TBC1D30: variants seen among roughly 807,000 people sequenced by gnomAD.
TBC1D30 encodes the protein TBC1 domain family, member 30.
A neutral mutation model predicts 63.2 loss-of-function variants in TBC1D30; 31 were observed. That is an observed-to-expected ratio of 0.49 (90% CI 0.37 to 0.66). The LOEUF is 0.66. TBC1D30 is among the 30% of genes least tolerant of loss of function. The probability of loss-of-function intolerance (pLI) is 0.00; values close to 1 mark genes in which losing one functional copy is unlikely to be tolerated. For synonymous variants in TBC1D30, 307 were observed against 361.5 expected (o/e 0.85, Z 1.71); for missense variants, 810 against 953.6 (o/e 0.85, Z 1.98).
chr12:64,775,015 C>T (rs534223084), intron 1 of TBC1D30, among the ~76,000 whole-genome samples: 5 of 151,996 alleles, frequency 3.3e-5, no homozygotes, highest in East Asian at 3.9e-4. Context: ...ATTGGTTGAA[C>T]CCAGGAGGCA....
upstream of TBC1D30, among the ~76,000 whole-genome samples, chr12:64,822,163 A>AT (rs1873924698): frequency 6.6e-6 from 1 of 151,878 alleles, no homozygotes; most frequent in Non-Finnish European, 1.5e-5. Context: ...AATATTCAAT[A>AT]TTTTTTCAAT....
chr12:64,877,531 A>G lies in TBC1D30; in HGVS notation c.*1743A>G, dbSNP rs996487115. The G allele has an allele frequency of 1.3e-5, 2 of 152,220 alleles. No individual in the cohort carries two copies. Among genetic ancestry groups the G allele is most frequent in the Non-Finnish European group, 2.9e-5 (2 of 68,058 alleles). The allele number at this position is 152,220 out of a possible 1,614,324, so 9.4% of individuals were successfully genotyped here. On this transcript the variant is annotated 3_prime_UTR_variant, in exon 12 of 12. Coordinates refer to ENST00000539867, the MANE Select transcript of TBC1D30 (RefSeq NM_015279.2). ...ATTTTTACCCCCAAAGGAACTGAAG[A>G]TGGAAAATATGACTAATAAGTTATT... is the stretch of plus-strand genomic sequence containing the variant.
chr12:64,799,144 G>A (rs969573708), intron 2 of TBC1D30, among the ~76,000 whole-genome samples: 2 of 151,964 alleles, frequency 1.3e-5, no homozygotes, highest in African/African-American at 4.8e-5. Context: ...GGCTTCTGAC[G>A]ATGTGCCTCT....
rs967597131 is a variant in TBC1D30 at position 64,879,652 on chromosome 12, C to G, written c.*3864C>G. Reference sequence around the variant, plus strand: ...AGTGATAATGAACACTCATAACACCCATACCTCATTCCTGACTTTTAAAAG... The same window carrying G: ...AGTGATAATGAACACTCATAACACCGATACCTCATTCCTGACTTTTAAAAG... On this transcript the variant is annotated 3_prime_UTR_variant, in exon 12 of 12. Transcript: ENST00000539867. 1 of 152,114 alleles carries G rather than the reference C, an allele frequency of 6.6e-6. No homozygotes were observed. The highest frequency in any genetic ancestry group is 1.5e-5 in the Non-Finnish European group (1 of 68,034). 9.4% of individuals were successfully genotyped at this position (152,114 alleles called of 1,614,324 possible).
intron 2 of TBC1D30, among the ~76,000 whole-genome samples, chr12:64,805,763 G>A (rs892097407): frequency 2.0e-5 from 3 of 152,166 alleles, no homozygotes; most frequent in South Asian, 2.1e-4. Flanking sequence ...AACCCAGGAG[G>A]TAGAGGTTGC....
At chr12:64,837,363 A>G (rs528737344) in intron 6 of TBC1D30, among the ~76,000 whole-genome samples, 1 of 151,590 alleles carries the variant, frequency 6.6e-6, no homozygotes, top group Non-Finnish European at 1.5e-5. Context: ...TAATTACACA[A>G]CTCACTGTAA....
chr12:64,814,258 G>C (rs561933651), intron 2 of TBC1D30, among the ~76,000 whole-genome samples: 1 of 152,206 alleles, frequency 6.6e-6, no homozygotes, highest in East Asian at 1.9e-4. Context: ...TGTTGGCTAG[G>C]CTGGTCTTAA....
Position 64,832,177 on chromosome 12 carries a change from T to C in TBC1D30, c.467T>C (p.Val156Ala). ...YCGQEAEQDR[V>A]VLKRVLLAYA... ...GGCCAGGAGGCTGAGCAGGACAGGGTTGTGTTGAAGCGGGTGCTGCTGGCC... is the reference window on the plus strand; with the variant it reads ...GGCCAGGAGGCTGAGCAGGACAGGGCTGTGTTGAAGCGGGTGCTGCTGGCC... Residue 156 changes from valine (V) to alanine (A), a missense_variant, in exon 5 of 12, where the codon GTT becomes GCT. Around this residue, in one of 4 missense-constraint regions of TBC1D30, gnomAD observed 272 missense variants for 335.9 expected, o/e 0.81. Transcript: ENST00000539867. 1 of 1,536,026 alleles carries C rather than the reference T, an allele frequency of 6.5e-7. No individual in the cohort carries two copies. Among genetic ancestry groups the C allele is most frequent in the East Asian group, 2.4e-5 (1 of 40,922 alleles).
intron 4 of TBC1D30, among the ~76,000 whole-genome samples, chr12:64,831,099 G>T (rs1009595288): frequency 2.6e-5 from 4 of 152,136 alleles, no homozygotes; most frequent in African/African-American, 2.4e-5. Flanking sequence ...CATGGTTTTT[G>T]ATTTTATATG....
chr12:64,820,836 G>A (rs1416509275), upstream of TBC1D30, among the ~76,000 whole-genome samples: 1 of 152,184 alleles, frequency 6.6e-6, no homozygotes, highest in Non-Finnish European at 1.5e-5. Context: ...GTGTTTTAGT[G>A]CTCATGTAAT....
intron 2 of TBC1D30, among the ~76,000 whole-genome samples, chr12:64,808,807 T>C (rs900348064): frequency 2.6e-5 from 4 of 152,142 alleles, no homozygotes; most frequent in Non-Finnish European, 5.9e-5. Flanking sequence ...TTGTTTCACT[T>C]AATATAATGT....
rs1331029243 is a variant in TBC1D30, at chr12:64,875,409, A to G, written c.1907A>G (p.Gln636Arg). Residue 636 changes from glutamine (Q) to arginine (R), a missense_variant, in exon 12 of 12, where the codon CAG becomes CGG. Physicochemically the swap from Gln to Arg is conservative, Grantham distance 43 (BLOSUM62 1). Around this residue, in one of 4 missense-constraint regions of TBC1D30, gnomAD observed 450 missense variants for 473.0 expected, o/e 0.95. Coordinates refer to ENST00000539867, the MANE Select transcript of TBC1D30 (RefSeq NM_015279.2). ...AGTACCAGGAGGACGATCGAGGGGC[A>G]GTCTCCGGAGCCGGTGTTCGGAGAT... The part of the protein sequence containing the change: ...EGSTRRTIEG[Q>R]SPEPVFGDAD... 20 of 1,536,074 alleles carry G rather than the reference A, an allele frequency of 1.3e-5. No homozygotes were observed. The highest frequency in any genetic ancestry group is 1.7e-5 in the Non-Finnish European group (19 of 1,146,930).
intron 1 of TBC1D30, among the ~76,000 whole-genome samples, chr12:64,774,193 A>T (rs1414804266): frequency 6.6e-6 from 1 of 152,222 alleles, no homozygotes; most frequent in African/African-American, 2.4e-5. Flanking sequence ...AGAATCTCAG[A>T]GCTTGAAGAA....
At chr12:64,766,640 A>G (rs1457172944) in intron 1 of TBC1D30, among the ~76,000 whole-genome samples, 3 of 152,216 alleles carry the variant, frequency 2.0e-5, no homozygotes, top group African/African-American at 7.2e-5. Flanking sequence ...TAGAGTAGCT[A>G]GGCAGAAGAT....
intron 1 of TBC1D30, among the ~76,000 whole-genome samples, chr12:64,765,837 A>AAT (rs1287500982): frequency 4.6e-5 from 7 of 150,932 alleles, no homozygotes; most frequent in Admixed American, 1.3e-4. Context: ...CTCTACAAAA[A>AAT]AAAAAAAAAA....
rs1879276603 is a variant in TBC1D30 at position 64,878,931 on chromosome 12, A to C, written c.*3143A>C. 6.0e-6 allele frequency: 1 copy of C among 166,264 alleles called. No individual in the cohort carries two copies. Among genetic ancestry groups the C allele is most frequent in the African/African-American group, 2.4e-5 (1 of 41,992 alleles). The allele number at this position is 166,264 out of a possible 1,614,324, so 10.3% of individuals were successfully genotyped here. ...TTATTTTTGTCTTAATAAAATGAAC[A>C]ATAAATATAGTTTAGCTGCATGGCA... On this transcript the variant is annotated 3_prime_UTR_variant, in exon 12 of 12. Transcript: ENST00000539867.
intron 8 of TBC1D30, among the ~76,000 whole-genome samples, chr12:64,857,211 G>A (rs1171458247): frequency 6.6e-6 from 1 of 152,150 alleles, no homozygotes; most frequent in Admixed American, 6.5e-5. Context: ...GGTCTCCCCT[G>A]AAACCAGCAT....
chr12:64,836,463 T>A (rs1334137528), intron 5 of TBC1D30, 27 bp from the exon 6 acceptor site: 12 of 1,523,550 alleles, frequency 7.9e-6, no homozygotes, highest in Non-Finnish European at 1.1e-5. Flanking sequence ...TACAAAGCAG[T>A]CTTAAGCTTT....
At chr12:64,838,640 A>G (rs1445215014) in intron 6 of TBC1D30, 43 bp from the exon 7 acceptor site, 37 of 1,529,580 alleles carry the variant, frequency 2.4e-5, no homozygotes, top group Non-Finnish European at 2.9e-5. Context: ...TATGCTGCCA[A>G]TCATCAGTTC....
Sources: gnomAD v4.1 joint callset for allele counts (sites outside exome capture counted in the v4.1 genomes callset) on GRCh38, gnomAD v4.1.1 for gene constraint, gnomAD v4.1.1 regional missense constraint, MANE v1.5 for transcripts, NCBI Gene and HGNC (gene_info 2026-07-23, HGNC 2026-07-21) for gene names.